The following DIAPH3 variants were observed in gnomAD, a reference collection of about 807,000 sequenced individuals.
DIAPH3 encodes the protein diaphanous related formin 3.
A neutral mutation model predicts 144.3 loss-of-function variants in DIAPH3; 117 were observed. The observed-to-expected ratio is 0.81, with a 90% CI of 0.70 to 0.95. The LOEUF (loss-of-function observed/expected upper bound fraction) is 0.95, where lower values mean the gene tolerates loss of function less well. Among genes scored for constraint, DIAPH3 ranks in the 40% least tolerant of loss-of-function variants. DIAPH3 has a pLI of 0.00. For synonymous variants in DIAPH3, 519 were observed against 488.9 expected (o/e 1.06, Z -0.81); for missense variants, 1,421 against 1,412.7 (o/e 1.01, Z -0.09).
At chr13:60,045,299 C>T (rs903455490) in intron 4 of DIAPH3, among the ~76,000 whole-genome samples, 1 of 151,672 alleles carries the variant, frequency 6.6e-6, no homozygotes, top group Admixed American at 6.6e-5. Flanking sequence ...GAGATCATGC[C>T]ATTTTACTCC....
At chr13:60,008,006 AC>A (rs1465406876) in intron 9 of DIAPH3, among the ~76,000 whole-genome samples, 1 of 152,214 alleles carries the variant, frequency 6.6e-6, no homozygotes, top group East Asian at 1.9e-4. Flanking sequence ...ATTCTACTAC[AC>A]GAAAAGCAAC....
chr13:60,065,745 C>A (rs574041017), intron 4 of DIAPH3, among the ~76,000 whole-genome samples: 99 of 152,142 alleles, frequency 6.5e-4, no homozygotes, highest in African/African-American at 2.1e-3. Flanking sequence ...TCCAGGCCAA[C>A]TACTAAAATA....
chr13:60,057,716 G>A (rs2056611845), intron 4 of DIAPH3, among the ~76,000 whole-genome samples: 2 of 151,936 alleles, frequency 1.3e-5, no homozygotes, highest in Non-Finnish European at 2.9e-5. Flanking sequence ...CAAGGGAACA[G>A]CATAGAGAAC....
At chr13:60,127,311 C>T (rs1379895078) in intron 2 of DIAPH3, among the ~76,000 whole-genome samples, 1 of 151,732 alleles carries the variant, frequency 6.6e-6, no homozygotes, top group Non-Finnish European at 1.5e-5. Flanking sequence ...AAGACATAAA[C>T]TACCAAGGCT....
intron 1 of DIAPH3, among the ~76,000 whole-genome samples, chr13:60,136,178 C>T (rs1277582790): frequency 6.6e-6 from 1 of 151,966 alleles, no homozygotes; most frequent in Admixed American, 6.6e-5. Flanking sequence ...AGGGTAATAT[C>T]CTTAATTAAA....
chr13:60,040,251 A>AAAAAAG (rs1555363112), intron 5 of DIAPH3, among the ~76,000 whole-genome samples: 1 of 145,496 alleles, frequency 6.9e-6, no homozygotes, highest in African/African-American at 2.7e-5. Flanking sequence ...AAAAAAAAAA[A>AAAAAAG]GGATCTTCTC....
intron 9 of DIAPH3, among the ~76,000 whole-genome samples, chr13:60,008,151 T>C (rs1171515078): frequency 1.3e-5 from 2 of 152,116 alleles, no homozygotes. Context: ...CCCAGCACTT[T>C]GGGAGGCCGA....
intron 9 of DIAPH3, among the ~76,000 whole-genome samples, chr13:60,005,877 A>C (rs372219155): frequency 2.0e-5 from 3 of 152,218 alleles, no homozygotes; most frequent in East Asian, 3.8e-4. Context: ...TCAAAACTTT[A>C]TATAAACAGA....
intron 20 of DIAPH3, among the ~76,000 whole-genome samples, chr13:59,889,953 G>A (rs924894029): frequency 6.6e-6 from 1 of 152,076 alleles, no homozygotes; most frequent in African/African-American, 2.4e-5. Flanking sequence ...GGTCTTTAGG[G>A]TGTGGCCCTA....
chr13:59,805,193 A>G (rs1202251143), intron 25 of DIAPH3, among the ~76,000 whole-genome samples: 1 of 152,032 alleles, frequency 6.6e-6, no homozygotes, highest in Non-Finnish European at 1.5e-5. Context: ...TACTTCCCCC[A>G]CAAAACATAA....
At position 59,879,338 on chromosome 13, in the gene DIAPH3, C is replaced by G. The variant is rs2044846198; in HGVS notation, c.2498G>C (p.Ser833Thr). 1 of 1,613,746 alleles carries G rather than the reference C, an allele frequency of 6.2e-7. No homozygotes were observed. The highest frequency in any genetic ancestry group is 8.5e-7 in the Non-Finnish European group (1 of 1,179,850). ...VSTACEEIKK[S>T]KSFSKLLELV... is the part of the protein sequence containing the mutation. ...TTCCAGCAACTTGCTAAAGCTTTTGCTCTTCTTTATCTCTTCGCAGGCAGT... is the reference window on the plus strand; with the variant it reads ...TTCCAGCAACTTGCTAAAGCTTTTGGTCTTCTTTATCTCTTCGCAGGCAGT... The change falls in exon 21 of 28, where the codon AGC (serine) becomes ACC (threonine). Residue 833 changes from serine (S) to threonine (T), a missense_variant. Ser to Thr is a moderately conservative substitution (Grantham distance 58). Transcript: ENST00000400324.
intron 24 of DIAPH3, among the ~76,000 whole-genome samples, chr13:59,820,740 A>T (rs1328354056): frequency 2.0e-5 from 3 of 151,324 alleles, no homozygotes; most frequent in Admixed American, 1.3e-4. Context: ...AAAACAAAAT[A>T]TAAAAATGAT....
intron 14 of DIAPH3, among the ~76,000 whole-genome samples, chr13:59,980,564 A>G (rs970592493): frequency 1.3e-5 from 2 of 151,664 alleles, no homozygotes; most frequent in Admixed American, 1.3e-4. Flanking sequence ...ATGTGAGATG[A>G]TGATAAATAC....
chr13:59,825,015 A>G (rs893960644), intron 24 of DIAPH3, among the ~76,000 whole-genome samples: 21 of 138,194 alleles, frequency 1.5e-4, no homozygotes, highest in African/African-American at 5.6e-4. Flanking sequence ...GTCTAACTAA[A>G]ACAGAAAAAT....
chr13:60,123,611 TTTAAG>T (rs2058905358), intron 2 of DIAPH3, among the ~76,000 whole-genome samples: 1 of 152,208 alleles, frequency 6.6e-6, no homozygotes. Flanking sequence ...AAATGAACAG[TTTAAG>T]TTATTTAAAA....
chr13:59,714,306 G>A (rs1356927017), intron 27 of DIAPH3, among the ~76,000 whole-genome samples: 5 of 145,182 alleles, frequency 3.4e-5, no homozygotes, highest in Admixed American at 1.4e-4. Context: ...CTTGCAGTGA[G>A]CCGAGATCCC....
intron 4 of DIAPH3, among the ~76,000 whole-genome samples, chr13:60,071,805 T>A (rs2057217865): frequency 6.6e-6 from 1 of 152,164 alleles, no homozygotes; most frequent in Non-Finnish European, 1.5e-5. Flanking sequence ...TTTTTAAAAC[T>A]TTTAACCCTA....
At position 60,066,523 on chromosome 13, in the gene DIAPH3, C is replaced by G. The variant is rs1293783568; in HGVS notation, c.496-23703G>C. ...TCCCAGATGGCTGATTACAAGCAACCAGTGCAATGTCACTGAATGCAAAGG... is the reference window on the plus strand; with the variant it reads ...TCCCAGATGGCTGATTACAAGCAACGAGTGCAATGTCACTGAATGCAAAGG... On this transcript the variant is annotated intron_variant, in intron 4 of 27. Transcript: ENST00000400324. Among the ~76,000 whole-genome samples the G allele has an allele frequency of 3.9e-5, 6 of 152,146 alleles. No homozygotes were observed. In the East Asian group the frequency reaches 1.2e-3, roughly 29 times the overall value.
chr13:59,881,302 G>C (rs755162225), intron 20 of DIAPH3, among the ~76,000 whole-genome samples: 1 of 151,994 alleles, frequency 6.6e-6, no homozygotes, highest in Non-Finnish European at 1.5e-5. Context: ...ACATACAAAA[G>C]AGCACTCACA....
Sources: gnomAD v4.1 joint callset for allele counts (sites outside exome capture counted in the v4.1 genomes callset) on GRCh38, gnomAD v4.1.1 for gene constraint, MANE v1.5 for transcripts, NCBI Gene and HGNC (gene_info 2026-07-23, HGNC 2026-07-21) for gene names.